The following ABCC6 variants were observed in gnomAD, a reference collection of about 807,000 sequenced individuals.
ABCC6 encodes ATP-binding cassette sub-family C member 6.
In ABCC6, 126 loss-of-function variants were observed where a neutral mutation model predicts 169.5. The ratio of observed to expected loss-of-function variants is 0.74; its 90% confidence interval spans 0.64 to 0.86. The LOEUF (loss-of-function observed/expected upper bound fraction) is 0.86. ABCC6 is among the 40% of genes least tolerant of loss of function. The pLI, the probability that ABCC6 is intolerant of heterozygous loss-of-function variation, is 0.00. For synonymous variants in ABCC6, 752 were observed against 814.7 expected (o/e 0.92, Z 1.31); for missense variants, 1,733 against 1,927.2 (o/e 0.90, Z 1.89).
intron 21 of ABCC6, among the ~76,000 whole-genome samples, chr16:16,170,929 AAAAAAAAAAAAAGAAAG>A (rs1426643625): frequency 7.9e-6 from 1 of 126,216 alleles, no homozygotes; most frequent in Non-Finnish European, 1.6e-5. Context: ...CAAAAAAAAA[AAAAAAAAAAAAAGAAAG>A]AAAGAAAGAA....
intron 2 of ABCC6, chr16:16,221,309 T>C: frequency 7.4e-7 from 1 of 1,355,462 alleles, no homozygotes; most frequent in African/African-American, 1.5e-5. Context: ...TTTAAAAGGT[T>C]CATCCTAATG....
chr16:16,155,155 C>T, intron 27 of ABCC6, 124 bp from the exon 28 acceptor site: 2 of 1,153,616 alleles, frequency 1.7e-6, no homozygotes, highest in Non-Finnish European at 2.4e-6. Context: ...GTCTACCTTC[C>T]ATCTCTCTTT....
chr16:16,204,133 G>T (rs4780610), intron 7 of ABCC6, among the ~76,000 whole-genome samples: 5 of 151,226 alleles, frequency 3.3e-5, no homozygotes, highest in Non-Finnish European at 5.9e-5. Flanking sequence ...CTCAGCTCAC[G>T]GCAACCTCCA....
intron 1 of ABCC6, among the ~76,000 whole-genome samples, chr16:16,222,323 A>AC (rs2049101485): frequency 1.3e-5 from 2 of 152,106 alleles, no homozygotes; most frequent in Non-Finnish European, 1.5e-5. Context: ...GGCTTATCTG[A>AC]CCCCAAACCT....
intron 20 of ABCC6, among the ~76,000 whole-genome samples, chr16:16,174,829 C>T (rs191364920): frequency 4.8e-5 from 7 of 144,614 alleles, no homozygotes; most frequent in Admixed American, 2.9e-4. Context: ...GGCACAATCT[C>T]GGCTCACTGC....
intron 20 of ABCC6, among the ~76,000 whole-genome samples, chr16:16,175,105 A>G (rs538930079): frequency 6.6e-6 from 1 of 152,000 alleles, no homozygotes; most frequent in East Asian, 2.0e-4. Flanking sequence ...TTTTCTTTTA[A>G]CATGACTACC....
intron 22 of ABCC6, 39 bp from the exon 23 acceptor site, chr16:16,165,972 AC>A (rs770539021): frequency 3.1e-5 from 49 of 1,599,722 alleles, no homozygotes; most frequent in Admixed American, 1.0e-4. Context: ...AGGGCTGGAG[AC>A]CCTCAGGAGC....
rs143717760 is a variant in ABCC6 at position 16,194,285 on chromosome 16, G to T, written c.1339-1363C>A. The stretch of plus-strand genomic sequence containing the variant: ...ATTTCATCCCTCGCAAGGGTTGTCA[G>T]ATTTAGTAAATCATCATACAGAATG... On this transcript the variant is annotated intron_variant, in intron 10 of 30. Coordinates refer to ENST00000205557, the MANE Select transcript of ABCC6 (RefSeq NM_001171.6). Among the ~76,000 whole-genome samples, 28 of 152,338 alleles carry T rather than the reference G, an allele frequency of 1.8e-4. 2 individuals carry two copies. The South Asian group carries it at 4.1e-3, about 23-fold the overall frequency.
chr16:16,185,117 C>T (rs998200506), intron 14 of ABCC6, 83 bp from the exon 15 acceptor site: 40 of 1,300,808 alleles, frequency 3.1e-5, no homozygotes, highest in East Asian at 2.8e-4. Context: ...CACCATCCCC[C>T]GCCCCCCCCA....
At chr16:16,217,328 G>C (rs1344340934) in intron 4 of ABCC6, among the ~76,000 whole-genome samples, 3 of 152,242 alleles carry the variant, frequency 2.0e-5, no homozygotes, top group Admixed American at 2.0e-4. Flanking sequence ...ATGAACTCGG[G>C]CTCTGCACTC....
Position 16,203,404 on chromosome 16 carries a change from A to G in ABCC6, c.998+6T>C. ...CTTAGCAGGGCACTTGAGGTCTGGG[A>G]CTCACCTGAGCAGCTTGGGGACAGT... On this transcript the variant is annotated splice_donor_region_variant and intron_variant, in intron 8 of 30. Coordinates refer to ENST00000205557, the MANE Select transcript of ABCC6 (RefSeq NM_001171.6). The G allele has an allele frequency of 6.2e-7, 1 of 1,613,688 alleles. No individual in the cohort carries two copies. Among genetic ancestry groups the G allele is most frequent in the Non-Finnish European group, 8.5e-7 (1 of 1,179,806 alleles).
At chr16:16,189,043 G>A in intron 12 of ABCC6, 69 bp from the exon 13 acceptor site, 1 of 1,574,622 alleles carries the variant, frequency 6.4e-7, no homozygotes, top group Non-Finnish European at 8.7e-7. Context: ...GCCTGGGCAA[G>A]CTGTGGTGCC....
At chr16:16,157,910 A>C in intron 26 of ABCC6, 101 bp from the exon 27 acceptor site, 1 of 1,291,880 alleles carries the variant, frequency 7.7e-7, no homozygotes, top group Non-Finnish European at 1.1e-6. Context: ...CGCAAAATGG[A>C]CGTATTTATT....
intron 17 of ABCC6, among the ~76,000 whole-genome samples, chr16:16,180,716 C>T (rs1235054475): frequency 1.3e-5 from 2 of 152,088 alleles, no homozygotes; most frequent in Non-Finnish European, 2.9e-5. Flanking sequence ...GTCTCAAACT[C>T]CTGACCTCAA....
chr16:16,219,264 C>T lies in ABCC6; in HGVS notation c.474+290G>A, dbSNP rs1192934616. ...CAGGTTGTGTGTGTGTGCGTGCATG[C>T]ATGTACTTGTGCGATGTATGAATCA... On this transcript the variant is annotated intron_variant, in intron 4 of 30. Coordinates refer to ENST00000205557, the MANE Select transcript of ABCC6 (RefSeq NM_001171.6). Among the ~76,000 whole-genome samples, 9 of 150,240 alleles carry T rather than the reference C, an allele frequency of 6.0e-5. No individual in the cohort carries two copies. The South Asian group carries it at 1.7e-3, about 28-fold the overall frequency.
At chr16:16,191,020 C>T (rs1485891100) in intron 11 of ABCC6, among the ~76,000 whole-genome samples, 2 of 151,176 alleles carry the variant, frequency 1.3e-5, no homozygotes, top group African/African-American at 2.4e-5. Context: ...AGCGTGTGGG[C>T]AGGGTCACTT....
At chr16:16,152,402 TC>T (rs1463852094) in intron 29 of ABCC6, among the ~76,000 whole-genome samples, 4 of 151,746 alleles carry the variant, frequency 2.6e-5, no homozygotes, top group Non-Finnish European at 5.9e-5. Context: ...TTTTACATGA[TC>T]AGAACCTACT....
Position 16,169,734 on chromosome 16 carries a change from G to C in ABCC6, c.2907C>G (p.Ser969Arg), listed in dbSNP as rs1234589159. The C allele has an allele frequency of 2.5e-6, 4 of 1,609,174 alleles. No homozygotes were observed. Among genetic ancestry groups the C allele is most frequent in the East Asian group, 2.2e-5 (1 of 44,682 alleles). ...CTACTGCAGGGTCGTCCGCCCACAG[G>C]CTCAGCCAGTAGCCCCGGCAGAAGG... ...VASFCRGYWL[S>R]LWADDPAVGG... Residue 969 changes from serine (S) to arginine (R), a missense_variant, in exon 22 of 31, where the codon AGC (serine) becomes AGG (arginine). By Grantham distance (110) the Ser-to-Arg change is moderately radical. This residue lies in a region of ABCC6 where 1,601 missense variants were observed against 1,635.5 expected (regional missense o/e 0.98). Transcript: ENST00000205557.
chr16:16,223,011 C>G (rs1158050852), intron 1 of ABCC6: 1 of 226,684 alleles, frequency 4.4e-6, no homozygotes, highest in Non-Finnish European at 8.9e-6. Context: ...CCCTGGCCCT[C>G]GAAATGCTGG....
Sources: allele counts gnomAD v4.1 joint callset (sites outside exome capture counted in the v4.1 genomes callset), GRCh38; gene constraint gnomAD v4.1.1; regional missense constraint gnomAD v4.1.1; transcripts MANE v1.5; gene names NCBI Gene and HGNC (gene_info 2026-07-23, HGNC 2026-07-21).